PDE10A: variants seen among roughly 807,000 people sequenced by gnomAD.
PDE10A encodes cAMP and cAMP-inhibited cGMP 3',5'-cyclic phosphodiesterase 10A.
PDE10A carries 39 observed loss-of-function variants against 97.7 expected under a neutral mutation model. That is an observed-to-expected ratio of 0.40 (90% CI 0.31 to 0.52). PDE10A has a LOEUF of 0.52. Among genes scored for constraint, PDE10A ranks in the 20% least tolerant of loss-of-function variants. The pLI, the probability that PDE10A is intolerant of heterozygous loss-of-function variation, is 0.56. For missense variants in PDE10A, 731 were observed against 1,047.8 expected (o/e 0.70, Z 4.17); for synonymous variants, 371 against 376.8 (o/e 0.98, Z 0.18).
chr6:165,418,100 C>T lies in PDE10A; in HGVS notation c.1796+535G>A, dbSNP rs1405198489. 1.3e-5 allele frequency among the ~76,000 whole-genome samples: 2 copies of T among 152,260 alleles called. No homozygotes were observed. The highest frequency in any genetic ancestry group is 1.9e-4 in the East Asian group (1 of 5,180). ...TCCATTCTGTTCATTTAAGTGACAACGGCTGCCACTTAAAAAAACAAAGAC... is the reference window on the plus strand; with the variant it reads ...TCCATTCTGTTCATTTAAGTGACAATGGCTGCCACTTAAAAAAACAAAGAC... On this transcript the variant is annotated intron_variant, in intron 11 of 21. Coordinates refer to ENST00000539869, the MANE Select transcript of PDE10A (RefSeq NM_001385079.1). The surrounding 1 kb of genome is among the most constrained non-coding windows in gnomAD (Gnocchi z 4.8).
At chr6:165,675,167 C>A (rs1790759900) in intron 1 of PDE10A, among the ~76,000 whole-genome samples, 1 of 152,194 alleles carries the variant, frequency 6.6e-6, no homozygotes, top group Non-Finnish European at 1.5e-5. Flanking sequence ...TACAATGTAA[C>A]ATTGTTATTC....
intron 10 of PDE10A, among the ~76,000 whole-genome samples, chr6:165,423,994 T>A (rs1455344026): frequency 1.3e-5 from 2 of 152,202 alleles, no homozygotes; most frequent in African/African-American, 4.8e-5. Context: ...ACATATCTGA[T>A]CTTGCACCTC....
At chr6:165,372,579 G>A (rs867093558) in intron 18 of PDE10A, among the ~76,000 whole-genome samples, 1 of 150,494 alleles carries the variant, frequency 6.6e-6, no homozygotes, top group South Asian at 2.1e-4. Flanking sequence ...AAATAAAAGA[G>A]GATACACACA....
At chr6:165,741,948 T>C (rs925404634) in intron 1 of PDE10A, among the ~76,000 whole-genome samples, 3 of 152,202 alleles carry the variant, frequency 2.0e-5, no homozygotes, top group Non-Finnish European at 2.9e-5. Context: ...GACAGTAAAA[T>C]GCATAATGCA....
At chr6:165,867,411 CAA>C (rs1562774397) in intron 1 of PDE10A, among the ~76,000 whole-genome samples, 1 of 150,996 alleles carries the variant, frequency 6.6e-6, no homozygotes, top group African/African-American at 2.4e-5. Context: ...AGTCTAAAAA[CAA>C]AACAAAAAAA....
chr6:165,572,845 A>C (rs978090704), intron 1 of PDE10A, among the ~76,000 whole-genome samples: 4 of 152,218 alleles, frequency 2.6e-5, no homozygotes, highest in Non-Finnish European at 2.9e-5. Context: ...TCAAACAAAC[A>C]AACCAAAAAG....
chr6:165,847,113 C>T (rs1489466158), intron 1 of PDE10A, among the ~76,000 whole-genome samples: 1 of 152,208 alleles, frequency 6.6e-6, no homozygotes, highest in Non-Finnish European at 1.5e-5. Context: ...TGATTATGTT[C>T]CTCTTCTACC....
At chr6:165,463,450 G>C (rs1422444434) in intron 3 of PDE10A, among the ~76,000 whole-genome samples, 7 of 152,222 alleles carry the variant, frequency 4.6e-5, no homozygotes, top group African/African-American at 1.7e-4. Flanking sequence ...GAACTGGAGT[G>C]CTTAAAGGAG....
intron 2 of PDE10A, among the ~76,000 whole-genome samples, chr6:165,492,885 G>T (rs554101212): frequency 3.9e-4 from 59 of 152,086 alleles, no homozygotes; most frequent in Non-Finnish European, 6.9e-4. Flanking sequence ...TGGTAAAGAA[G>T]AAGTCAAACT....
chr6:165,509,116 T>G (rs1324183185), intron 2 of PDE10A, among the ~76,000 whole-genome samples: 1 of 151,916 alleles, frequency 6.6e-6, no homozygotes, highest in East Asian at 1.9e-4. Context: ...TACTTCACTC[T>G]TTATTTTTTA....
Position 165,916,834 on chromosome 6 carries a change from C to T in PDE10A, c.-615+70695G>A, listed in dbSNP as rs77395656. On this transcript the variant is annotated intron_variant, in intron 1 of 19. Transcript: ENST00000366882. ...ATAAGGGCCACCCTTATTGTCATTA[C>T]AGCAAATGAAACACCACGCCCTTTG... Among the ~76,000 whole-genome samples the T allele has an allele frequency of 8.1e-3, 1,240 of 152,306 alleles. 14 individuals are homozygous for T. The highest frequency in any genetic ancestry group is 0.026 in the African/African-American group (1,088 of 41,558).
Position 165,435,370 on chromosome 6 carries a change from C to A in PDE10A, c.1202G>T (p.Cys401Phe). 1.2e-6 allele frequency: 2 copies of A among 1,613,790 alleles called. No individual in the cohort carries two copies. Among genetic ancestry groups the A allele is most frequent in the Non-Finnish European group, 1.7e-6 (2 of 1,179,870 alleles). Residue 401 changes from cysteine to phenylalanine, a missense_variant, in exon 6 of 22, where the codon TGT becomes TTT. Physicochemically the swap from Cys to Phe is radical, Grantham distance 205. Transcript: ENST00000539869. The stretch of plus-strand genomic sequence containing the variant: ...CTTTATCCCAGGTGGCGTGAATATA[C>A]ACAGGCTCTAGGGAGAAGAAAAGAT... The part of the protein sequence containing the change: ...YFLGECNNSL[C>F]IFTPPGIKEG...
At chr6:165,475,222 T>C (rs1310853857) in intron 3 of PDE10A, among the ~76,000 whole-genome samples, 3 of 152,202 alleles carry the variant, frequency 2.0e-5, no homozygotes, top group African/African-American at 7.2e-5. Flanking sequence ...ATAACAAAAC[T>C]GATTATAACA....
At chr6:165,411,459 C>A (rs577821570) in intron 13 of PDE10A, among the ~76,000 whole-genome samples, 6 of 152,236 alleles carry the variant, frequency 3.9e-5, no homozygotes, top group African/African-American at 1.4e-4. Context: ...TGTGAGGACA[C>A]AGGGAGAAGG....
chr6:165,821,514 A>C (rs762509458), intron 1 of PDE10A, among the ~76,000 whole-genome samples: 1 of 145,428 alleles, frequency 6.9e-6, no homozygotes, highest in South Asian at 2.4e-4. Context: ...ACTTGTTTAT[A>C]ATTATTATTA....
At chr6:165,539,439 A>G (rs1027832079) in intron 2 of PDE10A, among the ~76,000 whole-genome samples, 8 of 152,222 alleles carry the variant, frequency 5.3e-5, no homozygotes, top group African/African-American at 1.9e-4. Context: ...TTTCCCTGAC[A>G]GGGAAACTAC....
intron 1 of PDE10A, among the ~76,000 whole-genome samples, chr6:165,612,003 A>T (rs567564569): frequency 1.2e-3 from 186 of 152,202 alleles, no homozygotes; most frequent in Non-Finnish European, 2.2e-3. Context: ...GCTGAAACAC[A>T]TATGTTACCC....
At chr6:165,637,719 G>C (rs939475349) in intron 1 of PDE10A, among the ~76,000 whole-genome samples, 4 of 152,074 alleles carry the variant, frequency 2.6e-5, no homozygotes, top group African/African-American at 7.2e-5. Flanking sequence ...AGGGGTCATC[G>C]ACCCAGGACC....
intron 13 of PDE10A, 147 bp from the exon 14 acceptor site, chr6:165,396,606 CTGGG>C (rs1483331052): frequency 1.4e-6 from 1 of 710,318 alleles, no homozygotes; most frequent in Non-Finnish European, 2.2e-6. Context: ...TCCATATGCA[CTGGG>C]ATGTGCAGAC....
Sources: gnomAD v4.1 joint callset for allele counts (sites outside exome capture counted in the v4.1 genomes callset) on GRCh38, gnomAD v4.1.1 for gene constraint, Gnocchi (gnomAD v3.1) non-coding constraint, MANE v1.5 for transcripts, NCBI Gene and HGNC (gene_info 2026-07-23, HGNC 2026-07-21) for gene names.